KCNQ5: variants seen among roughly 807,000 people sequenced by gnomAD.
The protein encoded by KCNQ5 is potassium voltage-gated channel subfamily Q member 5.
In KCNQ5, 30 loss-of-function variants were observed where a neutral mutation model predicts 98.2. That is an observed-to-expected ratio of 0.31 (90% CI 0.23 to 0.41). The LOEUF (loss-of-function observed/expected upper bound fraction) is 0.41. Among genes scored for constraint, KCNQ5 ranks in the 10% least tolerant of loss-of-function variants. KCNQ5 has a pLI of 1.00. For synonymous variants in KCNQ5, 458 were observed against 449.4 expected (o/e 1.02, Z -0.24); for missense variants, 835 against 1,182.5 (o/e 0.71, Z 4.31).
intron 1 of KCNQ5, among the ~76,000 whole-genome samples, chr6:72,998,478 G>A (rs1348431584): frequency 6.6e-6 from 1 of 152,142 alleles, no homozygotes; most frequent in Non-Finnish European, 1.5e-5. Flanking sequence ...GCTCATGCCT[G>A]TAATTCCAGC....
At chr6:72,787,004 C>CAAAAAAAAAAAAAAAAAAAAAAAAA (rs1045803750) in intron 1 of KCNQ5, among the ~76,000 whole-genome samples, 1 of 50,438 alleles carries the variant, frequency 2.0e-5, no homozygotes, top group Non-Finnish European at 4.5e-5. Flanking sequence ...GACTCTGTCT[C>CAAAAAAAAAAAAAAAAAAAAAAAAA]AAAAAAAAAA....
At chr6:73,055,176 A>G (rs900190946) in intron 3 of KCNQ5, 13 of 865,168 alleles carry the variant, frequency 1.5e-5, no homozygotes, top group Admixed American at 1.2e-4. Context: ...GGCTGGTACG[A>G]CGCCATCCTG....
chr6:72,819,441 A>T (rs1775651489), intron 1 of KCNQ5, among the ~76,000 whole-genome samples: 1 of 152,256 alleles, frequency 6.6e-6, no homozygotes, highest in African/African-American at 2.4e-5. Context: ...GAATCATATT[A>T]CATAACTTGA....
intron 11 of KCNQ5, among the ~76,000 whole-genome samples, chr6:73,190,007 A>AAAAT (rs1333151437): frequency 6.6e-6 from 1 of 152,024 alleles, no homozygotes; most frequent in Non-Finnish European, 1.5e-5. Context: ...AAAAAAAAAA[A>AAAAT]AAAGTGTATT....
chr6:72,675,732 C>G lies in KCNQ5; in HGVS notation c.398+53145C>G, dbSNP rs77087578. On this transcript the variant is annotated intron_variant, in intron 1 of 13. Transcript: ENST00000370398. ...AACTTTGTTTTTGTGGAATTCATGG[C>G]CCTTATTTCACTCTAGATTCTTTTA... Among the ~76,000 whole-genome samples, 1,425 of 152,264 alleles carry G rather than the reference C, an allele frequency of 9.4e-3. 13 individuals carry two copies. The highest frequency in any genetic ancestry group is 0.02 in the East Asian group (104 of 5,178).
chr6:73,072,289 TA>T (rs1773330783), intron 3 of KCNQ5, among the ~76,000 whole-genome samples: 1 of 152,222 alleles, frequency 6.6e-6, no homozygotes, highest in Non-Finnish European at 1.5e-5. Flanking sequence ...TCCTTATAAC[TA>T]CTAGTTTGAA....
intron 1 of KCNQ5, among the ~76,000 whole-genome samples, chr6:72,944,916 C>T (rs1766466152): frequency 6.6e-6 from 1 of 152,154 alleles, no homozygotes; most frequent in Non-Finnish European, 1.5e-5. Context: ...GTGGTGAAAG[C>T]CACAAGTTCC....
chr6:72,631,436 A>G (rs928011963), intron 1 of KCNQ5, among the ~76,000 whole-genome samples: 1 of 152,252 alleles, frequency 6.6e-6, no homozygotes, highest in Non-Finnish European at 1.5e-5. Flanking sequence ...ACAGGAGGCT[A>G]TAAGGAAACA....
chr6:72,775,865 G>A (rs1202698507), intron 1 of KCNQ5, among the ~76,000 whole-genome samples: 1 of 152,180 alleles, frequency 6.6e-6, no homozygotes, highest in African/African-American at 2.4e-5. Flanking sequence ...ACTTGTCAGA[G>A]CCAAGAATAT....
chr6:72,864,013 A>G (rs897388603), intron 1 of KCNQ5, among the ~76,000 whole-genome samples: 4 of 152,154 alleles, frequency 2.6e-5, no homozygotes, highest in Non-Finnish European at 5.9e-5. Flanking sequence ...GGCATTGCAG[A>G]GGGATTGCAG....
In KCNQ5 at chr6:73,112,217, G is replaced by A. The variant is rs1415048201; in HGVS notation, c.1125+814G>A. Among the ~76,000 whole-genome samples the A allele has an allele frequency of 2.0e-5, 3 of 152,146 alleles. No individual in the cohort carries two copies. The South Asian group carries it at 6.2e-4, about 32-fold the overall frequency. ...TTTCTCCCCTCCTGCTAGGGAAGTG[G>A]AAGCTACCGAATTTCTAAACTGGAG... On this transcript the variant is annotated intron_variant, in intron 7 of 13. Coordinates refer to ENST00000370398, the MANE Select transcript of KCNQ5 (RefSeq NM_019842.4).
At chr6:72,930,738 A>C (rs1489250657) in intron 1 of KCNQ5, among the ~76,000 whole-genome samples, 2 of 152,178 alleles carry the variant, frequency 1.3e-5, no homozygotes, top group Non-Finnish European at 2.9e-5. Context: ...TTACTGCAAC[A>C]CACTTTGGCT....
intron 1 of KCNQ5, among the ~76,000 whole-genome samples, chr6:72,828,832 G>A (rs529656854): frequency 6.6e-6 from 1 of 152,206 alleles, no homozygotes; most frequent in Admixed American, 6.5e-5. Flanking sequence ...AGTGGTGAGA[G>A]TGGGCAGCCT....
chr6:73,165,154 T>A (rs1214167994), intron 10 of KCNQ5, among the ~76,000 whole-genome samples: 3 of 152,122 alleles, frequency 2.0e-5, no homozygotes, highest in Non-Finnish European at 4.4e-5. Context: ...TGGCTTTTTT[T>A]ATTTTTATTA....
rs1167542831 is a variant in KCNQ5, at chr6:73,194,909, C to T, written c.2294C>T (p.Thr765Ile). The T allele has an allele frequency of 3.1e-6, 5 of 1,614,206 alleles. No individual in the cohort carries two copies. Among genetic ancestry groups the T allele is most frequent in the Non-Finnish European group, 4.2e-6 (5 of 1,180,042 alleles). ...PAIKHLPRPE[T>I]LHPNPAGLQE... is the part of the protein sequence containing the mutation. ...ATCAAGCATCTGCCCAGGCCAGAAA[C>T]TCTGCACCCTAACCCTGCAGGCTTA... The change falls in exon 14 of 14, where the codon ACT becomes ATT. Residue 765 changes from threonine (T) to isoleucine (I), a missense_variant. Coordinates refer to ENST00000370398, the MANE Select transcript of KCNQ5 (RefSeq NM_019842.4).
chr6:72,844,889 G>A (rs532994869), intron 1 of KCNQ5, among the ~76,000 whole-genome samples: 17 of 152,212 alleles, frequency 1.1e-4, no homozygotes, highest in African/African-American at 1.4e-4. Context: ...AGTTTCCTTC[G>A]TAAATTATAG....
At chr6:72,889,578 C>T (rs1778980513) in intron 1 of KCNQ5, among the ~76,000 whole-genome samples, 1 of 152,100 alleles carries the variant, frequency 6.6e-6, no homozygotes, top group Non-Finnish European at 1.5e-5. Context: ...ATGTGCCAAG[C>T]GCCATGCTAG....
At chr6:72,711,570 G>A (rs55791694) in intron 1 of KCNQ5, among the ~76,000 whole-genome samples, 16,095 of 152,086 alleles carry the variant, frequency 0.11, 1,528 homozygotes, top group African/African-American at 0.25. Context: ...TGGACTCTGC[G>A]AAGGATTTTG....
chr6:73,035,458 C>T (rs992532481), intron 2 of KCNQ5, among the ~76,000 whole-genome samples: 4 of 152,078 alleles, frequency 2.6e-5, no homozygotes, highest in Non-Finnish European at 5.9e-5. Context: ...CAGTAAATAG[C>T]GAGCATTTTA....
Sources: gnomAD v4.1 joint callset for allele counts (sites outside exome capture counted in the v4.1 genomes callset) on GRCh38, gnomAD v4.1.1 for gene constraint, MANE v1.5 for transcripts, NCBI Gene and HGNC (gene_info 2026-07-23, HGNC 2026-07-21) for gene names.